The following KRABD5 variants were observed in gnomAD, a reference collection of about 807,000 sequenced individuals.
KRABD5 encodes the protein KRAB domain-containing protein 5.
At chr16:31,713,511 A>T in the KRABD5 span, 2 of 1,547,052 alleles carry the variant, frequency 1.3e-6, no homozygotes, top group Non-Finnish European at 1.8e-6. Context: ...CTTTGAGGTT[A>T]GCTTCGGGGT....
chr16:31,713,276 AAG>A, the KRABD5 span: 2 of 993,372 alleles, frequency 2.0e-6, no homozygotes, highest in Admixed American at 2.4e-5. Context: ...TGGCTGCAGT[AAG>A]AGCTCAGTCT....
chr16:31,715,514 A>G, the KRABD5 span, among the ~76,000 whole-genome samples: 2 of 152,316 alleles, frequency 1.3e-5, no homozygotes, highest in East Asian at 3.9e-4. Context: ...TTTTATAATA[A>G]ACTGGTCAAT....
At chr16:31,723,918 A>G in the KRABD5 span, among the ~76,000 whole-genome samples, 1 of 152,204 alleles carries the variant, frequency 6.6e-6, no homozygotes, top group Non-Finnish European at 1.5e-5. Context: ...AAAAAATCTG[A>G]TTCTGTATTT....
chr16:31,719,957 ATAGT>A, the KRABD5 span, among the ~76,000 whole-genome samples: 3 of 152,196 alleles, frequency 2.0e-5, no homozygotes, highest in Non-Finnish European at 4.4e-5. Context: ...CCATCTGTCT[ATAGT>A]TAGCTTTTAT....
the KRABD5 span, among the ~76,000 whole-genome samples, chr16:31,735,236 A>C: frequency 6.6e-6 from 1 of 152,036 alleles, no homozygotes; most frequent in Non-Finnish European, 1.5e-5. Flanking sequence ...TGCAAAGGAC[A>C]GGATTTTATT....
At chr16:31,757,674 A>G in the KRABD5 span, 1 of 152,180 alleles carries the variant, frequency 6.6e-6, no homozygotes, top group Admixed American at 6.6e-5. Flanking sequence ...ATGTTATTAT[A>G]TAATATATGG....
the KRABD5 span, among the ~76,000 whole-genome samples, chr16:31,749,412 C>T: frequency 6.6e-6 from 1 of 152,244 alleles, no homozygotes; most frequent in Non-Finnish European, 1.5e-5. Context: ...CCAGTGCTGG[C>T]TACTGCCCCT....
chr16:31,722,584 C>T, the KRABD5 span: 1 of 1,606,346 alleles, frequency 6.2e-7, no homozygotes, highest in Non-Finnish European at 8.5e-7. Flanking sequence ...ATGAACTCTG[C>T]CCATGGCCAC....
chr16:31,734,501 T>A, the KRABD5 span, among the ~76,000 whole-genome samples: 47 of 151,862 alleles, frequency 3.1e-4, 1 homozygote, highest in Admixed American at 1.6e-3. Flanking sequence ...GTGCTCCTGC[T>A]TCCGCCTCCC....
At chr16:31,753,982 C>T in the KRABD5 span, 7 of 1,501,098 alleles carry the variant, frequency 4.7e-6, no homozygotes, top group African/African-American at 8.3e-5. Flanking sequence ...CTCACTGTTA[C>T]AGGAGGTCAA....
At chr16:31,727,567 A>G in the KRABD5 span, among the ~76,000 whole-genome samples, 11 of 152,232 alleles carry the variant, frequency 7.2e-5, no homozygotes, top group African/African-American at 2.7e-4. Context: ...GAAGAATTTG[A>G]GAAGGATGGA....
At chr16:31,722,967 C>A in the KRABD5 span, among the ~76,000 whole-genome samples, 1 of 152,158 alleles carries the variant, frequency 6.6e-6, no homozygotes, top group East Asian at 1.9e-4. Context: ...AGAAGCTTCA[C>A]TCTAGTTTAG....
the KRABD5 span, among the ~76,000 whole-genome samples, chr16:31,750,432 C>G: frequency 6.6e-6 from 1 of 152,074 alleles, no homozygotes; most frequent in African/African-American, 2.4e-5. Context: ...GTTTCAGGAG[C>G]CTTTTGGCAC....
At chr16:31,744,573 C>G in the KRABD5 span, among the ~76,000 whole-genome samples, 9 of 151,976 alleles carry the variant, frequency 5.9e-5, no homozygotes, top group East Asian at 1.5e-3. Context: ...GGGGTATTAG[C>G]CTGAAGTTTT....
chr16:31,719,393 A>T, the KRABD5 span, among the ~76,000 whole-genome samples: 2 of 152,260 alleles, frequency 1.3e-5, no homozygotes, highest in Non-Finnish European at 2.9e-5. Flanking sequence ...TAATGGATTT[A>T]CAAAATACTT....
the KRABD5 span, chr16:31,723,371 A>C: frequency 1.2e-6 from 2 of 1,606,684 alleles, no homozygotes; most frequent in Non-Finnish European, 1.7e-6. Context: ...GGAGTGAATG[A>C]AGTAGATGAC....
chr16:31,749,700 CCTCCCCTGTGTGG>C, the KRABD5 span, among the ~76,000 whole-genome samples: 1 of 152,184 alleles, frequency 6.6e-6, no homozygotes, highest in East Asian at 1.9e-4. Flanking sequence ...ACAGGGCTCT[CCTCCCCTGTGTGG>C]CTCTCAAAGC....
the KRABD5 span, among the ~76,000 whole-genome samples, chr16:31,717,076 A>T: frequency 7.2e-6 from 1 of 139,852 alleles, no homozygotes; most frequent in South Asian, 2.2e-4. Flanking sequence ...GGCTCACTGC[A>T]ACCTCTGCCT....
chr16:31,758,687 T>G, the KRABD5 span: 1 of 150,222 alleles, frequency 6.7e-6, no homozygotes, highest in African/African-American at 2.5e-5. Context: ...AGCAGGAGAG[T>G]CACTTGAACC....
Sources: allele counts gnomAD v4.1 joint callset (sites outside exome capture counted in the v4.1 genomes callset), GRCh38; gene constraint gnomAD v4.1.1; transcripts MANE v1.5; gene names NCBI Gene and HGNC (gene_info 2026-07-23, HGNC 2026-07-21).